CA8: variants seen among roughly 807,000 people sequenced by gnomAD.
CA8 encodes carbonic anhydrase-related protein.
CA8 carries 22 observed loss-of-function variants against 41.4 expected under a neutral mutation model. The observed-to-expected ratio is 0.53, with a 90% CI of 0.38 to 0.76. The LOEUF (loss-of-function observed/expected upper bound fraction) is 0.76, where lower values mean the gene tolerates loss of function less well. Among genes scored for constraint, CA8 ranks in the 30% least tolerant of loss-of-function variants. The pLI is 0.00. For missense variants in CA8, 270 were observed against 352.8 expected (o/e 0.77, Z 1.88); for synonymous variants, 121 against 130.6 (o/e 0.93, Z 0.50).
chr8:60,227,032 C>T lies in CA8; in HGVS notation c.514-97G>A, dbSNP rs893227455. ...TAGGGCTGAGTGTGGTGGCTCATGC[C>T]TGTAACCCCAGCACTTTGGGAGGCC... On this transcript the variant is annotated intron_variant, in intron 4 of 8. Coordinates refer to ENST00000317995, the MANE Select transcript of CA8 (RefSeq NM_004056.6). 9 of 861,664 alleles carry T rather than the reference C, an allele frequency of 1.0e-5. No individual in the cohort carries two copies. The African/African-American group carries it at 1.5e-4, about 14-fold the overall frequency. The allele number at this position is 861,664 out of a possible 1,614,324, so 53.4% of individuals were successfully genotyped here. A position where few individuals can be genotyped will look rare whatever the true frequency, so the allele number is the denominator to read the frequency against.
intron 8 of CA8, among the ~76,000 whole-genome samples, chr8:60,192,752 C>T (rs10111908): frequency 0.023 from 3,450 of 152,216 alleles, 51 homozygotes; most frequent in Non-Finnish European, 0.034. Context: ...TGTTATGAAA[C>T]TATCAGTCCC....
At chr8:60,248,040 G>A (rs186096208) in intron 3 of CA8, among the ~76,000 whole-genome samples, 62 of 151,288 alleles carry the variant, frequency 4.1e-4, no homozygotes, top group Non-Finnish European at 6.0e-4. Context: ...TTTGTTGGTC[G>A]CATAAATGTC....
chr8:60,230,069 C>T lies in CA8; in HGVS notation c.513+2215G>A, dbSNP rs575275246. 5.3e-5 allele frequency among the ~76,000 whole-genome samples: 8 copies of T among 152,316 alleles called. No individual in the cohort carries two copies. In the South Asian group the frequency reaches 1.7e-3, roughly 32 times the overall value. On this transcript the variant is annotated intron_variant, in intron 4 of 8. Transcript: ENST00000317995. ...GTCTATTTCAAGACTCAATCCCACA[C>T]CCACGTTTTCTTTGCTCTATAAATA... is the stretch of plus-strand genomic sequence containing the variant.
At chr8:60,253,491 TCA>T (rs2130556596) in intron 3 of CA8, among the ~76,000 whole-genome samples, 1 of 152,148 alleles carries the variant, frequency 6.6e-6, no homozygotes, top group East Asian at 1.9e-4. Flanking sequence ...ACTGCATCTC[TCA>T]CACCACCTCT....
intron 3 of CA8, among the ~76,000 whole-genome samples, chr8:60,238,317 T>C (rs1289926237): frequency 6.6e-6 from 1 of 152,194 alleles, no homozygotes; most frequent in Non-Finnish European, 1.5e-5. Flanking sequence ...GAATGAATCA[T>C]GAGGAACGGA....
chr8:60,234,211 C>T (rs2130501244), intron 3 of CA8, among the ~76,000 whole-genome samples: 1 of 152,274 alleles, frequency 6.6e-6, no homozygotes, highest in Non-Finnish European at 1.5e-5. Flanking sequence ...CCACAAAATA[C>T]TTCACCAGTA....
chr8:60,234,631 A>G (rs1807767485), intron 3 of CA8, among the ~76,000 whole-genome samples: 1 of 151,946 alleles, frequency 6.6e-6, no homozygotes, highest in Admixed American at 6.5e-5. Context: ...CAAGGATAAC[A>G]GAAGGTTGCT....
chr8:60,215,208 T>C (rs1018532751), intron 7 of CA8, among the ~76,000 whole-genome samples: 6 of 152,220 alleles, frequency 3.9e-5, no homozygotes, highest in Non-Finnish European at 8.8e-5. Flanking sequence ...TTGGTATTTG[T>C]ATTCTGTTCT....
chr8:60,245,727 G>A (rs763361631), intron 3 of CA8, among the ~76,000 whole-genome samples: 2 of 152,112 alleles, frequency 1.3e-5, no homozygotes, highest in African/African-American at 2.4e-5. Context: ...TTTGATTGAG[G>A]TGGAACTTGT....
At chr8:60,203,653 A>C (rs1806496300) in intron 8 of CA8, among the ~76,000 whole-genome samples, 1 of 152,144 alleles carries the variant, frequency 6.6e-6, no homozygotes, top group Non-Finnish European at 1.5e-5. Flanking sequence ...TATTAAAACA[A>C]ATTTATTCAA....
chr8:60,243,716 G>A (rs186487188), intron 3 of CA8, among the ~76,000 whole-genome samples: 8 of 152,248 alleles, frequency 5.3e-5, no homozygotes, highest in East Asian at 1.9e-4. Flanking sequence ...TGCAGCAGCC[G>A]GTAGCCTTGC....
chr8:60,204,588 A>C (rs1806525491), intron 8 of CA8, among the ~76,000 whole-genome samples: 1 of 152,254 alleles, frequency 6.6e-6, no homozygotes, highest in African/African-American at 2.4e-5. Context: ...TATATCACAT[A>C]ATCAAAACAT....
At chr8:60,281,020 C>T (rs771259928) in intron 1 of CA8, 28 bp downstream of exon 1, 12 of 1,551,954 alleles carry the variant, frequency 7.7e-6, no homozygotes, top group Non-Finnish European at 9.8e-6. Context: ...CCGCGGGACC[C>T]CGGACACCCC....
chr8:60,206,627 C>T (rs1806593093), intron 8 of CA8, among the ~76,000 whole-genome samples: 1 of 119,394 alleles, frequency 8.4e-6, no homozygotes, highest in South Asian at 2.4e-4. Flanking sequence ...TTCCTCTGCT[C>T]CTATCCATCT....
intron 4 of CA8, among the ~76,000 whole-genome samples, chr8:60,229,159 T>TG (rs1034984533): frequency 2.8e-5 from 3 of 106,958 alleles, no homozygotes; most frequent in South Asian, 3.1e-4. Flanking sequence ...CTGAACCACC[T>TG]GTTTTTTTTT....
chr8:60,270,476 T>C (rs1804034346), intron 2 of CA8, among the ~76,000 whole-genome samples: 2 of 152,182 alleles, frequency 1.3e-5, no homozygotes, highest in African/African-American at 2.4e-5. Flanking sequence ...AGTGCAGTGG[T>C]GTGATCTCGG....
chr8:60,277,424 G>A (rs183218069), intron 2 of CA8, among the ~76,000 whole-genome samples: 2 of 152,148 alleles, frequency 1.3e-5, no homozygotes, highest in East Asian at 1.9e-4. Context: ...CGCAATCTCG[G>A]CTCACTGCAA....
chr8:60,264,745 A>G (rs1296535671), intron 3 of CA8: 2 of 152,256 alleles, frequency 1.3e-5, no homozygotes, highest in African/African-American at 4.8e-5. Context: ...GCCTTAAAAC[A>G]TGAACATTTC....
intron 2 of CA8, among the ~76,000 whole-genome samples, chr8:60,271,530 A>G (rs963326509): frequency 1.6e-4 from 25 of 152,112 alleles, no homozygotes; most frequent in African/African-American, 4.8e-4. Context: ...TTTGGGGGGG[A>G]AAAGTAGGAT....
Sources: gnomAD v4.1 joint callset for allele counts (sites outside exome capture counted in the v4.1 genomes callset) on GRCh38, gnomAD v4.1.1 for gene constraint, MANE v1.5 for transcripts, NCBI Gene and HGNC (gene_info 2026-07-23, HGNC 2026-07-21) for gene names.